Variants in SEMA3A observed in about 807,000 individuals in gnomAD.
SEMA3A encodes semaphorin 3A, also known as semaphorin-3A.
SEMA3A carries 29 observed loss-of-function variants against 97.9 expected under a neutral mutation model. The observed-to-expected ratio is 0.30, with a 90% CI of 0.22 to 0.40. SEMA3A has a LOEUF of 0.40. Ranked by LOEUF, SEMA3A falls within the 10% of genes least tolerant of loss-of-function variation. SEMA3A has a pLI of 1.00. For synonymous variants in SEMA3A, 321 were observed against 323.7 expected (o/e 0.99, Z 0.09); for missense variants, 763 against 951.3 (o/e 0.80, Z 2.60).
intron 4 of SEMA3A, among the ~76,000 whole-genome samples, chr7:84,062,848 C>G (rs1044782399): frequency 1.7e-5 from 2 of 120,232 alleles, no homozygotes; most frequent in Non-Finnish European, 3.3e-5. Flanking sequence ...GGGGGAGGGG[C>G]GTCCGCCATT....
At chr7:84,070,954 C>G (rs1383115893) in intron 4 of SEMA3A, among the ~76,000 whole-genome samples, 3 of 152,204 alleles carry the variant, frequency 2.0e-5, no homozygotes, top group South Asian at 4.1e-4. Context: ...CAGGGTGAAA[C>G]TACTGGCTTC....
chr7:84,431,894 G>C (rs1804990202), intron 1 of SEMA3A, among the ~76,000 whole-genome samples: 1 of 151,582 alleles, frequency 6.6e-6, no homozygotes, highest in African/African-American at 2.4e-5. Flanking sequence ...TGAATTAACA[G>C]AACTACCCAC....
In SEMA3A at chr7:84,381,582, C is replaced by T. The variant is rs141221933; in HGVS notation, c.-245-9682G>A. Among the ~76,000 whole-genome samples the T allele has an allele frequency of 1.7e-3, 253 of 152,284 alleles. 2 individuals carry two copies. Among genetic ancestry groups the T allele is most frequent in the African/African-American group, 5.9e-3 (247 of 41,558 alleles). ...AAGTACTCGATTTCTGCCCATCACC[C>T]TCTCTCCTATCCCTTTGGTCACACC... On this transcript the variant is annotated intron_variant, in intron 1 of 3. Coordinates refer to the SEMA3A transcript ENST00000424555.
intron 3 of SEMA3A, among the ~76,000 whole-genome samples, chr7:84,294,137 CT>C: frequency 6.6e-6 from 1 of 152,064 alleles, no homozygotes; most frequent in South Asian, 2.1e-4. Context: ...TTTTACTTCT[CT>C]CCTTGTCTAT....
At chr7:83,984,533 C>T (rs1483156159) in intron 13 of SEMA3A, among the ~76,000 whole-genome samples, 1 of 149,876 alleles carries the variant, frequency 6.7e-6, no homozygotes, top group East Asian at 2.0e-4. Flanking sequence ...CCAAATGATT[C>T]TCATTTTACA....
intron 1 of SEMA3A, among the ~76,000 whole-genome samples, chr7:84,162,772 T>A (rs1797078943): frequency 6.6e-6 from 1 of 152,134 alleles, no homozygotes; most frequent in Non-Finnish European, 1.5e-5. Context: ...TGAGAAGCTC[T>A]GTAAAATTTA....
At chr7:84,377,449 C>T (rs867758564) in intron 1 of SEMA3A, among the ~76,000 whole-genome samples, 24 of 152,124 alleles carry the variant, frequency 1.6e-4, no homozygotes, top group African/African-American at 5.3e-4. Context: ...CTATTCTGTT[C>T]CATTGGTCTA....
intron 3 of SEMA3A, among the ~76,000 whole-genome samples, chr7:84,213,549 G>A (rs184239762): frequency 6.6e-6 from 1 of 152,280 alleles, no homozygotes; most frequent in East Asian, 1.9e-4. Flanking sequence ...GTTTCTTAAA[G>A]TGCTGGGATT....
At chr7:83,981,518 T>C in intron 13 of SEMA3A, 40 bp from the exon 14 acceptor site, 2 of 1,471,460 alleles carry the variant, frequency 1.4e-6, no homozygotes, top group Non-Finnish European at 1.8e-6. Context: ...AACTATCTTG[T>C]CTTTTAAATC....
chr7:84,073,519 T>C (rs1204999258), intron 4 of SEMA3A, among the ~76,000 whole-genome samples: 1 of 152,120 alleles, frequency 6.6e-6, no homozygotes, highest in East Asian at 1.9e-4. Context: ...TGTGGAGAGT[T>C]TTCTATGCCA....
chr7:84,347,461 G>C (rs1448594588), intron 2 of SEMA3A, among the ~76,000 whole-genome samples: 1 of 150,572 alleles, frequency 6.6e-6, no homozygotes, highest in Non-Finnish European at 1.5e-5. Flanking sequence ...TGCCGGGCTG[G>C]AGTGCAATGG....
At chr7:84,257,982 A>C (rs1584175817) in intron 3 of SEMA3A, among the ~76,000 whole-genome samples, 1 of 152,244 alleles carries the variant, frequency 6.6e-6, no homozygotes, top group South Asian at 2.1e-4. Flanking sequence ...TGACAAGTCA[A>C]ATGTTATTGC....
chr7:84,010,897 G>T, intron 9 of SEMA3A, 125 bp downstream of exon 9: 1 of 643,570 alleles, frequency 1.6e-6, no homozygotes, highest in Non-Finnish European at 2.7e-6. Context: ...TCACCCAAGA[G>T]TACACAACAG....
intron 2 of SEMA3A, among the ~76,000 whole-genome samples, chr7:84,316,128 CTCAAAA>C (rs2115888232): frequency 1.6e-5 from 1 of 62,846 alleles, no homozygotes; most frequent in Admixed American, 2.2e-4. Flanking sequence ...AAGACTCTAT[CTCAAAA>C]AAAAAAAAAA....
At chr7:84,125,106 C>A (rs1338067063) in intron 3 of SEMA3A, among the ~76,000 whole-genome samples, 1 of 151,912 alleles carries the variant, frequency 6.6e-6, no homozygotes, top group Non-Finnish European at 1.5e-5. Context: ...GGAGAAAATT[C>A]AAAATCTTGA....
intron 1 of SEMA3A, among the ~76,000 whole-genome samples, chr7:84,184,319 A>G (rs189765316): frequency 5.3e-5 from 8 of 152,318 alleles, no homozygotes; most frequent in Non-Finnish European, 1.2e-4. Context: ...TCCTGTACTG[A>G]CTAGGCACCT....
At chr7:84,026,135 G>C (rs1209912648) in intron 6 of SEMA3A, among the ~76,000 whole-genome samples, 2 of 152,158 alleles carry the variant, frequency 1.3e-5, no homozygotes, top group Non-Finnish European at 2.9e-5. Context: ...AATAAGAAGT[G>C]AAAGGCTTTG....
intron 1 of SEMA3A, among the ~76,000 whole-genome samples, chr7:84,460,092 G>GGCAGGATT (rs1173067145): frequency 3.3e-5 from 5 of 152,018 alleles, no homozygotes; most frequent in African/African-American, 1.2e-4. Flanking sequence ...AGAGACATTA[G>GGCAGGATT]GCAGGATTTC....
intron 1 of SEMA3A, among the ~76,000 whole-genome samples, chr7:84,426,761 T>C (rs1228426094): frequency 6.6e-6 from 1 of 152,162 alleles, no homozygotes; most frequent in Non-Finnish European, 1.5e-5. Context: ...TTATAACTTC[T>C]ACCACTAATC....
Sources: allele counts gnomAD v4.1 joint callset (sites outside exome capture counted in the v4.1 genomes callset), GRCh38; gene constraint gnomAD v4.1.1; transcripts MANE v1.5; gene names NCBI Gene and HGNC (gene_info 2026-07-23, HGNC 2026-07-21).